GRID1: variants seen among roughly 807,000 people sequenced by gnomAD.
The protein encoded by GRID1 is glutamate receptor ionotropic, delta-1.
Under a neutral mutation model 98.0 loss-of-function variants are expected in GRID1, and 28 were observed. That is an observed-to-expected ratio of 0.29 (90% CI 0.21 to 0.39). The LOEUF (loss-of-function observed/expected upper bound fraction) is 0.39, where lower values mean the gene tolerates loss of function less well. Among genes scored for constraint, GRID1 ranks in the 10% least tolerant of loss-of-function variants. GRID1 has a pLI of 1.00. For synonymous variants in GRID1, 553 were observed against 538.5 expected (o/e 1.03, Z -0.37); for missense variants, 1,111 against 1,340.5 (o/e 0.83, Z 2.67).
At chr10:86,263,340 C>T (rs1847048481) in intron 2 of GRID1, among the ~76,000 whole-genome samples, 1 of 152,130 alleles carries the variant, frequency 6.6e-6, no homozygotes, top group Non-Finnish European at 1.5e-5. Flanking sequence ...CTTGGAGTGG[C>T]GGGGCCGCGG....
intron 8 of GRID1, among the ~76,000 whole-genome samples, chr10:85,769,629 T>C (rs1327577365): frequency 2.0e-5 from 3 of 152,280 alleles, no homozygotes; most frequent in African/African-American, 4.8e-5. Flanking sequence ...CCCAATACTG[T>C]GCTTTTCCAA....
intron 2 of GRID1, among the ~76,000 whole-genome samples, chr10:86,229,413 C>A (rs1196475526): frequency 6.6e-6 from 1 of 152,188 alleles, no homozygotes; most frequent in Non-Finnish European, 1.5e-5. Flanking sequence ...TGACCTTGGG[C>A]AAGACACCTA....
chr10:86,202,220 C>T (rs926467681), intron 3 of GRID1, among the ~76,000 whole-genome samples: 1 of 152,252 alleles, frequency 6.6e-6, no homozygotes, highest in African/African-American at 2.4e-5. Context: ...AATGCCAGCC[C>T]ATGCAACATT....
At chr10:85,990,603 T>C (rs1237355609) in intron 4 of GRID1, among the ~76,000 whole-genome samples, 5 of 152,134 alleles carry the variant, frequency 3.3e-5, no homozygotes, top group Admixed American at 2.0e-4. Context: ...GAAGATCATG[T>C]GCAAAGGCCA....
In GRID1 at chr10:85,770,510, G is replaced by A. The variant is rs189217231; in HGVS notation, c.1234-40896C>T. Reference sequence around the variant, plus strand: ...GACAAGTTGAGAGAAGAAGGCTTCAGACGATCAAACTACTCCTAGCTACAG... The same window carrying A: ...GACAAGTTGAGAGAAGAAGGCTTCAAACGATCAAACTACTCCTAGCTACAG... On this transcript the variant is annotated intron_variant, in intron 8 of 15. Coordinates refer to ENST00000327946, the MANE Select transcript of GRID1 (RefSeq NM_017551.3). Among the ~76,000 whole-genome samples, 557 of 152,318 alleles carry A rather than the reference G, an allele frequency of 3.7e-3. 4 individuals are homozygous for A. Among genetic ancestry groups the A allele is most frequent in the African/African-American group, 0.013 (529 of 41,580 alleles).
At chr10:85,845,678 G>C (rs898717203) in intron 8 of GRID1, among the ~76,000 whole-genome samples, 5 of 152,126 alleles carry the variant, frequency 3.3e-5, no homozygotes, top group African/African-American at 9.7e-5. Context: ...AGTGTGCTTC[G>C]CATGCCCCTC....
chr10:86,282,103 C>G (rs1297335893), intron 2 of GRID1, among the ~76,000 whole-genome samples: 1 of 152,222 alleles, frequency 6.6e-6, no homozygotes, highest in Non-Finnish European at 1.5e-5. Flanking sequence ...TTGGTTTGCT[C>G]ATCTGCAAAC....
intron 4 of GRID1, among the ~76,000 whole-genome samples, chr10:85,965,236 C>A (rs1842321700): frequency 6.6e-6 from 1 of 152,198 alleles, no homozygotes; most frequent in Admixed American, 6.5e-5. Flanking sequence ...GGCAATTCCT[C>A]AAGGATCTAG....
At chr10:85,647,917 AACTG>A (rs1324478492) in intron 12 of GRID1, 1 of 153,394 alleles carries the variant, frequency 6.5e-6, no homozygotes, top group Non-Finnish European at 1.5e-5. Context: ...CTCAGAGACC[AACTG>A]ACTCAGGGTA....
intron 2 of GRID1, among the ~76,000 whole-genome samples, chr10:86,301,194 G>A (rs1454586185): frequency 6.6e-6 from 1 of 152,212 alleles, no homozygotes; most frequent in Non-Finnish European, 1.5e-5. Context: ...CCAAGCCACA[G>A]GCCACAGACC....
intron 3 of GRID1, among the ~76,000 whole-genome samples, chr10:86,173,460 T>A (rs1026376009): frequency 5.9e-5 from 9 of 152,178 alleles, no homozygotes; most frequent in Non-Finnish European, 1.0e-4. Flanking sequence ...CATTTTTTTT[T>A]ATAATTTTTT....
chr10:86,086,576 G>T (rs866969597), intron 4 of GRID1, among the ~76,000 whole-genome samples: 1 of 152,202 alleles, frequency 6.6e-6, no homozygotes, highest in Non-Finnish European at 1.5e-5. Context: ...CCCACAGGGG[G>T]TTATAAGCAA....
At chr10:85,747,340 G>T (rs1842007033) in intron 8 of GRID1, among the ~76,000 whole-genome samples, 1 of 152,144 alleles carries the variant, frequency 6.6e-6, no homozygotes, top group South Asian at 2.1e-4. Flanking sequence ...TGTTCCAAAG[G>T]TGGTTAACTT....
At chr10:85,726,283 G>C (rs1435359739) in intron 10 of GRID1, among the ~76,000 whole-genome samples, 1 of 151,822 alleles carries the variant, frequency 6.6e-6, no homozygotes, top group Non-Finnish European at 1.5e-5. Flanking sequence ...GGTAGCTCAA[G>C]AAGAAAGGTA....
intron 2 of GRID1, among the ~76,000 whole-genome samples, chr10:86,302,130 G>A (rs953532868): frequency 6.6e-6 from 1 of 152,184 alleles, no homozygotes; most frequent in Non-Finnish European, 1.5e-5. Flanking sequence ...TCCTCACCCT[G>A]GCACATGGTC....
intron 8 of GRID1, among the ~76,000 whole-genome samples, chr10:85,820,134 A>G (rs1842755219): frequency 1.6e-5 from 2 of 127,732 alleles, no homozygotes; most frequent in Non-Finnish European, 3.3e-5. Context: ...AGGGAGAAAG[A>G]AAGAAACAGA....
At chr10:85,849,501 T>C (rs1419176276) in intron 8 of GRID1, among the ~76,000 whole-genome samples, 1 of 152,102 alleles carries the variant, frequency 6.6e-6, no homozygotes, top group African/African-American at 2.4e-5. Context: ...AGGGCAGTGG[T>C]GGAAATTTCA....
chr10:85,940,851 A>C (rs545430919), intron 4 of GRID1, among the ~76,000 whole-genome samples: 1 of 152,370 alleles, frequency 6.6e-6, no homozygotes, highest in African/African-American at 2.4e-5. Flanking sequence ...AGAAAGCATC[A>C]GCCAGAACCT....
intron 3 of GRID1, among the ~76,000 whole-genome samples, chr10:86,156,767 G>C (rs957916921): frequency 4.6e-5 from 7 of 152,234 alleles, no homozygotes; most frequent in African/African-American, 1.4e-4. Context: ...TCATGTCCAG[G>C]TGATCTCACG....
Sources: gnomAD v4.1 joint callset for allele counts (sites outside exome capture counted in the v4.1 genomes callset) on GRCh38, gnomAD v4.1.1 for gene constraint, MANE v1.5 for transcripts, NCBI Gene and HGNC (gene_info 2026-07-23, HGNC 2026-07-21) for gene names.